The following SOS2 variants were observed in gnomAD, a reference collection of about 807,000 sequenced individuals.
SOS2 encodes SOS Ras/Rho guanine nucleotide exchange factor 2, also known as son of sevenless homolog 2.
SOS2 carries 65 observed loss-of-function variants against 148.2 expected under a neutral mutation model. The ratio of observed to expected loss-of-function variants is 0.44; its 90% CI spans 0.36 to 0.54. The LOEUF is 0.54. Among genes scored for constraint, SOS2 ranks in the 20% least tolerant of loss-of-function variants. The pLI is 0.00. For synonymous variants in SOS2, 539 were observed against 537.1 expected (o/e 1.00, Z -0.05); for missense variants, 1,341 against 1,590.2 (o/e 0.84, Z 2.67).
chr14:50,159,574 G>A lies in SOS2; in HGVS notation c.1709C>T (p.Pro570Leu). 4 of 1,613,834 alleles carry A rather than the reference G, an allele frequency of 2.5e-6. No homozygotes were observed. The highest frequency in any genetic ancestry group is 3.4e-6 in the Non-Finnish European group (4 of 1,179,934). ...TTTTACTACAAAACGATATACTTCA[G>A]GACTTGGTAATCTCAGTGGTTGCTC... ...ENEQPLRLPSPEVYRFVVKDS... is the reference protein window; with the variant it reads ...ENEQPLRLPSLEVYRFVVKDS... Residue 570 changes from proline to leucine, a missense_variant, in exon 10 of 23, where the codon CCT (proline) becomes CTT (leucine). Pro to Leu is a moderately conservative substitution (Grantham distance 98). Coordinates refer to ENST00000216373, the MANE Select transcript of SOS2 (RefSeq NM_006939.4).
chr14:50,158,751 G>T, intron 10 of SOS2, 105 bp from the exon 11 acceptor site: 1 of 702,950 alleles, frequency 1.4e-6, no homozygotes, highest in Non-Finnish European at 2.5e-6. Context: ...TTTTACTTTG[G>T]CTCCTCAGAT....
intron 16 of SOS2, among the ~76,000 whole-genome samples, chr14:50,143,213 TACTCAAGAGGCTGGGA>T (rs1884350468): frequency 6.6e-6 from 1 of 151,288 alleles, no homozygotes; most frequent in Admixed American, 6.6e-5. Context: ...TAATCGCAGC[TACTCAAGAGGCTGGGA>T]CAGGACGATC....
At chr14:50,135,089 A>AAAAAGAAAG (rs1555368583) in intron 18 of SOS2, among the ~76,000 whole-genome samples, 2 of 131,536 alleles carry the variant, frequency 1.5e-5, no homozygotes, top group African/African-American at 5.9e-5. Flanking sequence ...AAAAAAAAAA[A>AAAAAGAAAG]AAAGAAAGAA....
chr14:50,149,046 G>T (rs953692891), intron 14 of SOS2, among the ~76,000 whole-genome samples: 1 of 152,142 alleles, frequency 6.6e-6, no homozygotes, highest in Non-Finnish European at 1.5e-5. Flanking sequence ...CTACAGGCAC[G>T]AGCCACCATG....
rs759312040 is a variant in SOS2, at chr14:50,138,690, C to G, written c.2880G>C (p.Arg960Ser). Reference sequence around the variant, plus strand: ...TTTCTCCAGTAATTTCAGCTACTTTCCTCCTCTTACTGAAATTGATTAAAT... The same window carrying G: ...TTTCTCCAGTAATTTCAGCTACTTTGCTCCTCTTACTGAAATTGATTAAAT... Reference protein sequence around the residue: ...GKDLINFSKRRKVAEITGEIQ... With the variant: ...GKDLINFSKRSKVAEITGEIQ... The change falls in exon 18 of 23, where the codon AGG becomes AGC. Residue 960 changes from arginine to serine, a missense_variant. This residue lies in a region of SOS2 where 408 missense variants were observed against 506.6 expected (regional missense o/e 0.81). Transcript: ENST00000216373. 1 of 1,529,894 alleles carries G rather than the reference C, an allele frequency of 6.5e-7. No homozygotes were observed. The highest frequency in any genetic ancestry group is 1.2e-5 in the South Asian group (1 of 85,464). The allele number at this position is 1,529,894 out of a possible 1,614,324, so 94.8% of individuals were successfully genotyped here. A position where few individuals can be genotyped will look rare whatever the true frequency, so the allele number is the denominator to read the frequency against.
intron 11 of SOS2, 45 bp downstream of exon 11, chr14:50,158,520 T>G (rs776112320): frequency 3.3e-6 from 4 of 1,205,186 alleles, no homozygotes; most frequent in Non-Finnish European, 4.8e-6. Context: ...ATACAGTTAA[T>G]TTTTCACAAA....
rs374636107 is a variant in SOS2, at chr14:50,199,894, A to C, written c.346-39T>G. The C allele has an allele frequency of 5.3e-6, 7 of 1,329,120 alleles. No individual in the cohort carries two copies. The African/African-American group carries it at 1.0e-4, about 20-fold the overall frequency. The allele number at this position is 1,329,120 out of a possible 1,614,324, so 82.3% of individuals were successfully genotyped here. On this transcript the variant is annotated intron_variant, in intron 3 of 22. Coordinates refer to ENST00000216373, the MANE Select transcript of SOS2 (RefSeq NM_006939.4). ...AAATAATTTAATTGCAAAATGTAGC[A>C]CTGTCAAGTATTACACACTTAAAAA...
chr14:50,129,632 G>A (rs1883803039), intron 21 of SOS2, among the ~76,000 whole-genome samples: 1 of 152,214 alleles, frequency 6.6e-6, no homozygotes. Flanking sequence ...TGATCCACCT[G>A]CCTTGGCCTC....
At chr14:50,151,895 C>T (rs1253412840) in intron 13 of SOS2, among the ~76,000 whole-genome samples, 1 of 151,828 alleles carries the variant, frequency 6.6e-6, no homozygotes, top group Non-Finnish European at 1.5e-5. Flanking sequence ...GGCTAATTTT[C>T]ATATTTTTTG....
Position 50,204,510 on chromosome 14 carries a change from C to G in SOS2, c.88-101G>C, listed in dbSNP as rs201956309. 4 of 685,454 alleles carry G rather than the reference C, an allele frequency of 5.8e-6. No individual in the cohort carries two copies. The East Asian group carries it at 1.3e-4, about 22-fold the overall frequency. The allele number at this position is 685,454 out of a possible 1,614,324, so 42.5% of individuals were successfully genotyped here. A position where few individuals can be genotyped will look rare whatever the true frequency, so the allele number is the denominator to read the frequency against. On this transcript the variant is annotated intron_variant, in intron 1 of 22. Coordinates refer to ENST00000216373, the MANE Select transcript of SOS2 (RefSeq NM_006939.4). ...ATAATATTTTACTATAATGGTTACT[C>G]AAAACAGACATAAAACACAAAATGA...
At chr14:50,230,001 A>G (rs987169513) in intron 1 of SOS2, among the ~76,000 whole-genome samples, 11 of 152,346 alleles carry the variant, frequency 7.2e-5, no homozygotes, top group African/African-American at 2.6e-4. Flanking sequence ...TGGTATACCA[A>G]TGGAATAACT....
chr14:50,140,250 C>T (rs1884225459), intron 16 of SOS2, among the ~76,000 whole-genome samples, 191 bp from the exon 17 acceptor site: 1 of 152,098 alleles, frequency 6.6e-6, no homozygotes, highest in African/African-American at 2.4e-5. Flanking sequence ...ATATAAAACC[C>T]ATAATTTACT....
chr14:50,190,987 C>A (rs1261260675), intron 4 of SOS2, among the ~76,000 whole-genome samples: 1 of 152,174 alleles, frequency 6.6e-6, no homozygotes, highest in African/African-American at 2.4e-5. Context: ...ACCAGAGACC[C>A]TTTTAGAGTA....
At chr14:50,124,963 T>C (rs1883636321) in intron 21 of SOS2, among the ~76,000 whole-genome samples, 1 of 152,228 alleles carries the variant, frequency 6.6e-6, no homozygotes, top group South Asian at 2.1e-4. Flanking sequence ...TTTACTACCA[T>C]TCAAAATAAT....
intron 1 of SOS2, among the ~76,000 whole-genome samples, chr14:50,213,420 G>T (rs895585398): frequency 6.6e-6 from 1 of 152,178 alleles, no homozygotes; most frequent in African/African-American, 2.4e-5. Flanking sequence ...TTTATAGGCC[G>T]GGTGTGGTGG....
intron 21 of SOS2, among the ~76,000 whole-genome samples, chr14:50,120,868 T>C (rs1883481780): frequency 6.6e-6 from 1 of 151,164 alleles, no homozygotes; most frequent in Non-Finnish European, 1.5e-5. Flanking sequence ...GCCTCCTGAG[T>C]AGCTGGGATT....
chr14:50,203,510 A>G (rs1886564946), intron 2 of SOS2, among the ~76,000 whole-genome samples: 1 of 152,140 alleles, frequency 6.6e-6, no homozygotes, highest in Non-Finnish European at 1.5e-5. Context: ...TCTCCCTAAC[A>G]GATATTGCTA....
rs5808545 is a variant in SOS2 at position 50,229,503 on chromosome 14, G to GA, written c.87+1693dup. Among the ~76,000 whole-genome samples, 137 of 139,462 alleles carry GA rather than the reference G, an allele frequency of 9.8e-4. 1 individual carries two copies. Among genetic ancestry groups the GA allele is most frequent in the South Asian group, 5.3e-3 (23 of 4,340 alleles). The allele number at this position is 139,462 out of a possible 152,430, so 91.5% of individuals were successfully genotyped here. A position where few individuals can be genotyped will look rare whatever the true frequency, so the allele number is the denominator to read the frequency against. On this transcript the variant is annotated intron_variant, in intron 1 of 22. Transcript: ENST00000216373. ...AATCTTGGCTTCTCCAGCCTAACTT[G>GA]AAAAAAAAAAAAAAAAATCTGGGTC...
At chr14:50,134,631 G>A (rs1333742582) in intron 18 of SOS2, among the ~76,000 whole-genome samples, 1 of 152,078 alleles carries the variant, frequency 6.6e-6, no homozygotes, top group East Asian at 1.9e-4. Flanking sequence ...AATCCACAAT[G>A]AAGTTTTGAT....
Sources: gnomAD v4.1 joint callset for allele counts (sites outside exome capture counted in the v4.1 genomes callset) on GRCh38, gnomAD v4.1.1 for gene constraint, gnomAD v4.1.1 regional missense constraint, MANE v1.5 for transcripts, NCBI Gene and HGNC (gene_info 2026-07-23, HGNC 2026-07-21) for gene names.